Variants in VAT1L observed in about 807,000 individuals in gnomAD.
The protein encoded by VAT1L is putative NADPH-dependent quinone oxidoreductase VAT1L.
Under a neutral mutation model 44.1 loss-of-function variants are expected in VAT1L, and 34 were observed. The observed-to-expected ratio is 0.77, with a 90% CI of 0.59 to 1.03. VAT1L has a LOEUF of 1.03. Ranked by LOEUF, VAT1L falls within the 50% of genes least tolerant of loss-of-function variation. The pLI, the probability that VAT1L is intolerant of heterozygous loss-of-function variation, is 0.00. For synonymous variants in VAT1L, 253 were observed against 202.2 expected (o/e 1.25, Z -2.13); for missense variants, 615 against 538.8 (o/e 1.14, Z -1.40).
intron 2 of VAT1L, among the ~76,000 whole-genome samples, chr16:77,818,794 A>G (rs973669316): frequency 2.6e-5 from 4 of 152,286 alleles, no homozygotes; most frequent in East Asian, 3.9e-4. Context: ...ACTCGTTTCC[A>G]GTTAGGGTGT....
intron 8 of VAT1L, among the ~76,000 whole-genome samples, chr16:77,976,201 G>A (rs1226395102): frequency 2.0e-5 from 3 of 152,150 alleles, no homozygotes; most frequent in African/African-American, 7.2e-5. Context: ...CGTTTGGCAG[G>A]GGCAGATGGA....
chr16:77,891,349 G>A (rs546519303), intron 7 of VAT1L, among the ~76,000 whole-genome samples: 15 of 152,174 alleles, frequency 9.9e-5, no homozygotes, highest in East Asian at 1.9e-4. Flanking sequence ...GCAAGACTCC[G>A]TCTAAAAAAA....
chr16:77,977,220 G>A (rs1008501574), intron 8 of VAT1L, among the ~76,000 whole-genome samples: 1 of 152,146 alleles, frequency 6.6e-6, no homozygotes, highest in African/African-American at 2.4e-5. Context: ...TCCCTCAGAA[G>A]AGACAGCTCT....
At position 77,967,687 on chromosome 16, in the gene VAT1L, A is replaced by G. The variant is rs145861975; in HGVS notation, c.1078-4163A>G. 2.6e-5 allele frequency among the ~76,000 whole-genome samples: 4 copies of G among 152,346 alleles called. No individual in the cohort carries two copies. In the East Asian group the frequency reaches 7.7e-4, roughly 29 times the overall value. On this transcript the variant is annotated intron_variant, in intron 7 of 8. Transcript: ENST00000302536. ...GGGAGCTTTTTCTCCTAGCATCACA[A>G]TAAGCTTTAACTGGTGAGAAAACAG...
rs9673880 is a variant in VAT1L at position 77,845,320 on chromosome 16, G to C, written c.580-17428G>C. ...ACAGGCGCATCCCTCAGCAGGTGCG[G>C]GATAAGAGTGTGGCAGTATGTTCCT... On this transcript the variant is annotated intron_variant, in intron 3 of 8. Transcript: ENST00000302536. 6.1e-3 allele frequency among the ~76,000 whole-genome samples: 928 copies of C among 152,304 alleles called. 4 individuals are homozygous for C. Among genetic ancestry groups the C allele is most frequent in the African/African-American group, 0.021 (887 of 41,558 alleles).
intron 1 of VAT1L, among the ~76,000 whole-genome samples, chr16:77,796,175 T>A (rs1253897124): frequency 6.6e-6 from 1 of 152,148 alleles, no homozygotes; most frequent in Admixed American, 6.5e-5. Context: ...AAAATGGAGA[T>A]ACAACCTTAT....
chr16:77,929,525 T>G (rs933846068), intron 7 of VAT1L, among the ~76,000 whole-genome samples: 5 of 152,138 alleles, frequency 3.3e-5, no homozygotes, highest in African/African-American at 1.2e-4. Flanking sequence ...AAAATATAAA[T>G]GTAATTTCAA....
chr16:77,923,360 G>C (rs975919144), intron 7 of VAT1L, among the ~76,000 whole-genome samples: 5 of 151,728 alleles, frequency 3.3e-5, no homozygotes, highest in African/African-American at 4.8e-5. Context: ...TGAGGCAGGA[G>C]AATAGCTTGA....
At chr16:77,947,590 G>A (rs1597115665) in intron 7 of VAT1L, among the ~76,000 whole-genome samples, 2 of 152,146 alleles carry the variant, frequency 1.3e-5, no homozygotes, top group Non-Finnish European at 1.5e-5. Flanking sequence ...GCTCCCTCCT[G>A]CTCACATAAG....
intron 1 of VAT1L, among the ~76,000 whole-genome samples, chr16:77,803,875 G>A (rs950434833): frequency 6.6e-6 from 1 of 152,200 alleles, no homozygotes; most frequent in Non-Finnish European, 1.5e-5. Flanking sequence ...GAGGTGAGAT[G>A]GGGCTGGAGA....
intron 7 of VAT1L, among the ~76,000 whole-genome samples, chr16:77,940,585 C>T (rs7190734): frequency 0.51 from 77,361 of 151,348 alleles, 20,176 homozygotes; most frequent in East Asian, 0.57. Flanking sequence ...CCACGTGATC[C>T]GCCCGCCTCA....
In VAT1L at chr16:77,879,343, T is replaced by C; in HGVS notation, c.882+119T>C. On this transcript the variant is annotated intron_variant, in intron 6 of 8. Coordinates refer to ENST00000302536, the MANE Select transcript of VAT1L (RefSeq NM_020927.3). This position sits in a 1 kb window ranked among gnomAD's most constrained non-coding sequence, Gnocchi z 4.1. ...GTCTCGTTCTGTCACCAGGCTGGAGTGCAATGGCACGATCTCGGCTCATGG... is the reference window on the plus strand; with the variant it reads ...GTCTCGTTCTGTCACCAGGCTGGAGCGCAATGGCACGATCTCGGCTCATGG... The C allele has an allele frequency of 9.1e-7, 1 of 1,103,806 alleles. No individual in the cohort carries two copies. The highest frequency in any genetic ancestry group is 1.4e-6 in the Non-Finnish European group (1 of 729,902). 68.4% of individuals were successfully genotyped at this position (1,103,806 alleles called of 1,614,324 possible). A position where few individuals can be genotyped will look rare whatever the true frequency, so the allele number is the denominator to read the frequency against.
chr16:77,863,262 T>TC (rs1332912570), intron 4 of VAT1L, among the ~76,000 whole-genome samples: 1 of 152,222 alleles, frequency 6.6e-6, no homozygotes, highest in Non-Finnish European at 1.5e-5. Context: ...ATCTTATGGT[T>TC]CCACTATTGT....
chr16:77,964,779 CTTTTTTTTTTTTTTT>C (rs10566511), intron 7 of VAT1L, among the ~76,000 whole-genome samples: 13 of 91,878 alleles, frequency 1.4e-4, no homozygotes, highest in South Asian at 3.7e-4. Flanking sequence ...CTTTGTAGCA[CTTTTTTTTTTTTTTT>C]TTTTTTTTTT....
intron 1 of VAT1L, among the ~76,000 whole-genome samples, chr16:77,791,453 T>C (rs2015834072): frequency 6.6e-6 from 1 of 152,188 alleles, no homozygotes; most frequent in African/African-American, 2.4e-5. Context: ...TCATGGACCC[T>C]TTTTCATTAA....
intron 7 of VAT1L, among the ~76,000 whole-genome samples, chr16:77,971,050 G>A (rs190884785): frequency 9.2e-5 from 14 of 151,658 alleles, no homozygotes; most frequent in Non-Finnish European, 2.1e-4. Flanking sequence ...GCATTTCCAC[G>A]CAGATTTCAT....
At chr16:77,824,295 A>G (rs980735223) in intron 2 of VAT1L, among the ~76,000 whole-genome samples, 3 of 152,256 alleles carry the variant, frequency 2.0e-5, no homozygotes, top group Non-Finnish European at 4.4e-5. Context: ...TTCTCAACTA[A>G]CCAACTTAGC....
intron 3 of VAT1L, among the ~76,000 whole-genome samples, chr16:77,844,710 A>G (rs1330088829): frequency 6.6e-6 from 1 of 152,058 alleles, no homozygotes; most frequent in Admixed American, 6.6e-5. Context: ...CATCTGCACT[A>G]CCAGTTTATA....
At chr16:77,961,228 G>C (rs1468305370) in intron 7 of VAT1L, among the ~76,000 whole-genome samples, 1 of 152,046 alleles carries the variant, frequency 6.6e-6, no homozygotes, top group African/African-American at 2.4e-5. Flanking sequence ...AAAAAATTTG[G>C]AGACAGGAGT....
Sources: gnomAD v4.1 joint callset for allele counts (sites outside exome capture counted in the v4.1 genomes callset) on GRCh38, gnomAD v4.1.1 for gene constraint, Gnocchi (gnomAD v3.1) non-coding constraint, MANE v1.5 for transcripts, NCBI Gene and HGNC (gene_info 2026-07-23, HGNC 2026-07-21) for gene names.